The following CELSR2 variants were observed in gnomAD, a reference collection of about 807,000 sequenced individuals.
The protein encoded by CELSR2 is cadherin EGF LAG seven-pass G-type receptor 2.
A neutral mutation model predicts 251.6 loss-of-function variants in CELSR2; 81 were observed. The observed-to-expected ratio is 0.32, with a 90% CI of 0.27 to 0.39. The LOEUF (loss-of-function observed/expected upper bound fraction) is 0.39, where lower values mean the gene tolerates loss of function less well. Ranked by LOEUF, CELSR2 falls within the 10% of genes least tolerant of loss-of-function variation. The pLI is 1.00. For missense variants in CELSR2, 3,365 were observed against 3,947.7 expected, an observed-to-expected ratio of 0.85 and a Z score of 3.96; for synonymous variants, 1,721 against 1,670.5, an observed-to-expected ratio of 1.03 and a Z score of -0.74.
chr1:109,256,154 G>T (rs1028136441), intron 1 of CELSR2, among the ~76,000 whole-genome samples: 1 of 152,196 alleles, frequency 6.6e-6, no homozygotes, highest in African/African-American at 2.4e-5. Flanking sequence ...TGCCAGCTGA[G>T]CATCCTGGTG....
chr1:109,261,124 G>A lies in CELSR2; in HGVS notation c.4041G>A (p.Leu1347=). The change falls in exon 3 of 34, where the codon CTG becomes CTA. Residue 1347 remains leucine, a synonymous_variant. Coordinates refer to ENST00000271332, the MANE Select transcript of CELSR2 (RefSeq NM_001408.3). The surrounding 1 kb of genome is among the most constrained non-coding windows in gnomAD (Gnocchi z 4.8). ...CKNGGTCVNL[L]VGGFKCDCPS... ...ATGGGGGCACCTGTGTCAACCTGCT[G>A]GTGGGCGGTTTCAAGTGCGATTGCC... is the stretch of plus-strand genomic sequence containing the variant. The A allele has an allele frequency of 6.2e-7, 1 of 1,614,118 alleles. No homozygotes were observed.
rs1458011133 is a variant in CELSR2, at chr1:109,273,146, C to G, written c.8339-20C>G. ...GCTATCTGCCCTCTGTGGGCCTCAT[C>G]TACTTCCTTTCCCCACCAGATGGGG... On this transcript the variant is annotated intron_variant, in intron 31 of 33. Coordinates refer to ENST00000271332, the MANE Select transcript of CELSR2 (RefSeq NM_001408.3). 1 of 1,609,728 alleles carries G rather than the reference C, an allele frequency of 6.2e-7. No individual in the cohort carries two copies. The highest frequency in any genetic ancestry group is 1.3e-5 in the African/African-American group (1 of 74,798).
Position 109,250,713 on chromosome 1 carries a change from G to C in CELSR2, c.634G>C (p.Glu212Gln). 1 of 1,614,126 alleles carries C rather than the reference G, an allele frequency of 6.2e-7. No homozygotes were observed. Among genetic ancestry groups the C allele is most frequent in the Non-Finnish European group, 8.5e-7 (1 of 1,180,036 alleles). ...GAGGGCCATCGACCCGGACGAGGGTGAGGCAGGTCGACTGGAGTACACCAT... is the reference window on the plus strand; with the variant it reads ...GAGGGCCATCGACCCGGACGAGGGTCAGGCAGGTCGACTGGAGTACACCAT... ...SLRAIDPDEG[E>Q]AGRLEYTMDA... Residue 212 changes from glutamate to glutamine, a missense_variant, in exon 1 of 34, where the codon GAG (glutamate) becomes CAG (glutamine). Glu to Gln is a conservative substitution (Grantham distance 29). Coordinates refer to ENST00000271332, the MANE Select transcript of CELSR2 (RefSeq NM_001408.3). This position sits in a 1 kb window ranked among gnomAD's most constrained non-coding sequence, Gnocchi z 4.4.
chr1:109,250,394 A>G lies in CELSR2; in HGVS notation c.315A>G (p.Pro105=), dbSNP rs772871478. ...PESEAHIPLP[P]APEGCPWSCR... is the part of the protein sequence containing the mutation. ...CCGAGGCCCATATTCCCCTACCACC[A>G]GCTCCTGAAGGCTGCCCCTGGAGCT... The change falls in exon 1 of 34, where the codon CCA becomes CCG. Residue 105 remains proline, a synonymous_variant. Transcript: ENST00000271332. The surrounding 1 kb of genome is among the most constrained non-coding windows in gnomAD (Gnocchi z 4.4). 6.8e-6 allele frequency: 11 copies of G among 1,613,444 alleles called. No individual in the cohort carries two copies. Among genetic ancestry groups the G allele is most frequent in the East Asian group, 2.2e-5 (1 of 44,878 alleles).
At chr1:109,253,461 G>C in intron 1 of CELSR2, 72 bp downstream of exon 1, 1 of 1,519,594 alleles carries the variant, frequency 6.6e-7, no homozygotes, top group Non-Finnish European at 8.8e-7. Context: ...ACTGGAGGTA[G>C]GGTGCGATCC....
At position 109,269,078 on chromosome 1, in the gene CELSR2, G is replaced by GC. The variant is rs760908989; in HGVS notation, c.6632-29dup. On this transcript the variant is annotated intron_variant, in intron 19 of 33. Transcript: ENST00000271332. This position sits in a 1 kb window ranked among gnomAD's most constrained non-coding sequence, Gnocchi z 6.4. The stretch of plus-strand genomic sequence containing the variant: ...CTGTGCAGACTCCACAGAGAGCAGG[G>GC]CCCAGCTAAGTGTGACAGTGTCCCC... 2 of 1,597,700 alleles carry GC rather than the reference G, an allele frequency of 1.3e-6. No homozygotes were observed. The highest frequency in any genetic ancestry group is 4.5e-5 in the East Asian group (2 of 44,550).
intron 28 of CELSR2, among the ~76,000 whole-genome samples, chr1:109,271,968 T>C (rs1020940059): frequency 1.3e-5 from 2 of 152,126 alleles, no homozygotes; most frequent in Non-Finnish European, 2.9e-5. Context: ...CCTGAGAATC[T>C]CTCATGAATT....
At chr1:109,254,337 C>A (rs764523658) in intron 1 of CELSR2, among the ~76,000 whole-genome samples, 1 of 152,182 alleles carries the variant, frequency 6.6e-6, no homozygotes, top group East Asian at 1.9e-4. Flanking sequence ...TGGCCGGAAC[C>A]CAGGCTGGGG....
At chr1:109,268,477 G>A in intron 17 of CELSR2, 104 bp from the exon 18 acceptor site, 3 of 1,401,638 alleles carry the variant, frequency 2.1e-6, no homozygotes, top group South Asian at 1.4e-5. Flanking sequence ...AGAGGGAGGG[G>A]CCTGGTGGGG....
rs1252744057 is a variant in CELSR2, at chr1:109,272,816, T to G, written c.8144-17T>G. ...GGAGGTGGCTGGGCTGGCTGTGATC[T>G]CTCCCTGGCCTCCTAGATCCTGACA... On this transcript the variant is annotated splice_polypyrimidine_tract_variant and intron_variant, in intron 30 of 33. Transcript: ENST00000271332. 20 of 1,612,866 alleles carry G rather than the reference T, an allele frequency of 1.2e-5. No individual in the cohort carries two copies. The highest frequency in any genetic ancestry group is 2.7e-5 in the African/African-American group (2 of 74,842).
chr1:109,273,682 C>CG lies in CELSR2; in HGVS notation c.8744+15dup. On this transcript the variant is annotated intron_variant, in intron 33 of 33. Coordinates refer to ENST00000271332, the MANE Select transcript of CELSR2 (RefSeq NM_001408.3). ...TCGTCAGGCTCCGAGTGAGTGTGGCCGGGTGGGCGGGACGGGGTGCAGCCC... is the reference window on the plus strand; with the variant it reads ...TCGTCAGGCTCCGAGTGAGTGTGGCCGGGGTGGGCGGGACGGGGTGCAGCCC... 2.1e-6 allele frequency: 1 copy of CG among 473,206 alleles called. No individual in the cohort carries two copies. Among genetic ancestry groups the CG allele is most frequent in the Non-Finnish European group, 3.8e-6 (1 of 263,116 alleles). The allele number at this position is 473,206 out of a possible 1,614,324, so 29.3% of individuals were successfully genotyped here.
In CELSR2 at chr1:109,261,769, C is replaced by T; in HGVS notation, c.4298-39C>T. ...CACCCCAAACCCTGCCATTCCTAGCCCTCGTCAGGCATTCCAGCTCACCTG... is the reference window on the plus strand; with the variant it reads ...CACCCCAAACCCTGCCATTCCTAGCTCTCGTCAGGCATTCCAGCTCACCTG... On this transcript the variant is annotated intron_variant, in intron 4 of 33. Coordinates refer to ENST00000271332, the MANE Select transcript of CELSR2 (RefSeq NM_001408.3). The surrounding 1 kb of genome is among the most constrained non-coding windows in gnomAD (Gnocchi z 4.8). 1.3e-6 allele frequency: 2 copies of T among 1,567,456 alleles called. No homozygotes were observed. The highest frequency in any genetic ancestry group is 1.7e-6 in the Non-Finnish European group (2 of 1,151,134).
chr1:109,269,206 G>A lies in CELSR2; in HGVS notation c.6728G>A (p.Gly2243Asp), dbSNP rs755656883. 14 of 1,612,866 alleles carry A rather than the reference G, an allele frequency of 8.7e-6. No homozygotes were observed. The South Asian group carries it at 1.4e-4, about 16-fold the overall frequency. Residue 2243 changes from glycine (G) to aspartate (D), a missense_variant, in exon 20 of 34, where the codon GGT becomes GAT. Gly to Asp is a moderately conservative substitution (Grantham distance 94). Around this residue, in one of 5 missense-constraint regions of CELSR2, gnomAD observed 2,093 missense variants for 2,382.8 expected, o/e 0.88. Coordinates refer to ENST00000271332, the MANE Select transcript of CELSR2 (RefSeq NM_001408.3). The surrounding 1 kb of genome is among the most constrained non-coding windows in gnomAD (Gnocchi z 6.4). Reference protein sequence around the residue: ...RQRRHPELSQGEAVASVIIYR... With the variant: ...RQRRHPELSQDEAVASVIIYR... ...CGACGGCACCCGGAGCTGAGCCAGG[G>A]TGAGGCTGTGGCCAGCGTCATCATC...
chr1:109,264,997 A>G lies in CELSR2; in HGVS notation c.5594A>G (p.Tyr1865Cys), dbSNP rs761540854. 4 of 1,614,080 alleles carry G rather than the reference A, an allele frequency of 2.5e-6. No homozygotes were observed. The highest frequency in any genetic ancestry group is 3.4e-6 in the Non-Finnish European group (4 of 1,180,030). ...TGTCCCCCAAATTACCTTGGGCCAT[A>G]CTGTGAGACCAGGTAAGCAGACCAG... ...CECPPNYLGPYCETRIDQPCP... is the reference protein window; with the variant it reads ...CECPPNYLGPCCETRIDQPCP... Residue 1865 changes from tyrosine to cysteine, a missense_variant, in exon 12 of 34, where the codon TAC becomes TGC. By Grantham distance (194) the Tyr-to-Cys change is radical (BLOSUM62 -2). This residue lies in a region of CELSR2 where 2,093 missense variants were observed against 2,382.8 expected (regional missense o/e 0.88). Transcript: ENST00000271332.
At position 109,252,587 on chromosome 1, in the gene CELSR2, G is replaced by A. The variant is rs752733978; in HGVS notation, c.2508G>A (p.Gln836=). 7 of 1,613,812 alleles carry A rather than the reference G, an allele frequency of 4.3e-6. No individual in the cohort carries two copies. Among genetic ancestry groups the A allele is most frequent in the Middle Eastern group, 1.6e-4 (1 of 6,084 alleles). ...EDVPPFTSVL[Q]ISATDRDSGL... ...TGCCACCCTTCACTAGCGTCCTGCA[G>A]ATCTCAGCCACTGATCGTGATTCTG... Residue 836 remains glutamine, a synonymous_variant, in exon 1 of 34, where the codon CAG becomes CAA. Coordinates refer to ENST00000271332, the MANE Select transcript of CELSR2 (RefSeq NM_001408.3). This position sits in a 1 kb window ranked among gnomAD's most constrained non-coding sequence, Gnocchi z 4.8.
chr1:109,263,403 GA>G, intron 8 of CELSR2, 136 bp downstream of exon 8: 1 of 1,418,546 alleles, frequency 7.0e-7, no homozygotes, highest in Non-Finnish European at 9.4e-7. Context: ...GCAGAGCCCT[GA>G]AAGGGCAACA....
At position 109,265,457 on chromosome 1, in the gene CELSR2, CT is replaced by C. The variant is rs1186737600; in HGVS notation, c.5727+148del. 7 of 1,005,700 alleles carry C rather than the reference CT, an allele frequency of 7.0e-6. No individual in the cohort carries two copies. In the East Asian group the frequency reaches 1.8e-4, roughly 26 times the overall value. 62.3% of individuals were successfully genotyped at this position (1,005,700 alleles called of 1,614,324 possible). Reference sequence around the variant, plus strand: ...CTCTCACAGGCAGGGCAGTTGGCTGCTTACCTTCGTGTGTCTGAGGCGCAGG... The same window carrying C: ...CTCTCACAGGCAGGGCAGTTGGCTGCTACCTTCGTGTGTCTGAGGCGCAGG... On this transcript the variant is annotated intron_variant, in intron 13 of 33. Transcript: ENST00000271332.
At chr1:109,273,815 C>T (rs1255321899) in intron 33 of CELSR2, 145 bp downstream of exon 33, 11 of 973,554 alleles carry the variant, frequency 1.1e-5, no homozygotes, top group South Asian at 1.6e-5. Flanking sequence ...CTTACTATGC[C>T]GTGCCCACAA....
Position 109,268,471 on chromosome 1 carries a change from G to A in CELSR2, c.6319-110G>A. The A allele has an allele frequency of 2.9e-6, 4 of 1,376,706 alleles. No homozygotes were observed. The South Asian group carries it at 5.9e-5, about 20-fold the overall frequency. The allele number at this position is 1,376,706 out of a possible 1,614,324, so 85.3% of individuals were successfully genotyped here. ...AGGGGAGGCAACAGTGAGCACAGAG[G>A]GAGGGGCCTGGTGGGGAGCAGGGAC... On this transcript the variant is annotated intron_variant, in intron 17 of 33. Coordinates refer to ENST00000271332, the MANE Select transcript of CELSR2 (RefSeq NM_001408.3).
Sources: gnomAD v4.1 joint callset for allele counts (sites outside exome capture counted in the v4.1 genomes callset) on GRCh38, gnomAD v4.1.1 for gene constraint, gnomAD v4.1.1 regional missense constraint, Gnocchi (gnomAD v3.1) non-coding constraint, MANE v1.5 for transcripts, NCBI Gene and HGNC (gene_info 2026-07-23, HGNC 2026-07-21) for gene names.